Variants in PALM2AKAP2 observed in about 807,000 individuals in gnomAD.
The protein encoded by PALM2AKAP2 is PALM2 and AKAP2 fusion.
PALM2AKAP2 carries 37 observed loss-of-function variants against 71.5 expected under a neutral mutation model. The ratio of observed to expected loss-of-function variants is 0.52; its 90% CI spans 0.40 to 0.68. The LOEUF is 0.68. Ranked by LOEUF, PALM2AKAP2 falls within the 30% of genes least tolerant of loss-of-function variation. The probability of loss-of-function intolerance (pLI) is 0.00; values close to 1 mark genes in which losing one functional copy is unlikely to be tolerated. For synonymous variants in PALM2AKAP2, 468 were observed against 478.8 expected (o/e 0.98, Z 0.29); for missense variants, 1,224 against 1,191.8 (o/e 1.03, Z -0.40).
At chr9:109,858,243 TGA>T (rs1829220386) in intron 1 of PALM2AKAP2, among the ~76,000 whole-genome samples, 1 of 152,192 alleles carries the variant, frequency 6.6e-6, no homozygotes, top group Non-Finnish European at 1.5e-5. Context: ...ATGGGGATAA[TGA>T]TAGTACCTAA....
intron 2 of PALM2AKAP2, among the ~76,000 whole-genome samples, chr9:110,152,140 G>A (rs1301832606): frequency 6.6e-6 from 1 of 152,184 alleles, no homozygotes; most frequent in African/African-American, 2.4e-5. Context: ...AGGAGGCTGA[G>A]GCAGGAGAAT....
intron 1 of PALM2AKAP2, among the ~76,000 whole-genome samples, chr9:109,751,687 T>A (rs1000235191): frequency 6.6e-5 from 10 of 152,192 alleles, no homozygotes; most frequent in Non-Finnish European, 1.2e-4. Context: ...CAGTTCATGA[T>A]ACCCATCTCA....
intron 1 of PALM2AKAP2, chr9:109,863,005 T>C: frequency 2.1e-6 from 1 of 479,234 alleles, no homozygotes; most frequent in South Asian, 1.5e-5. Flanking sequence ...CTAGGGAACC[T>C]GCTCTTTGCA....
At chr9:109,890,604 T>G (rs995820488) in intron 3 of PALM2AKAP2, among the ~76,000 whole-genome samples, 3 of 152,198 alleles carry the variant, frequency 2.0e-5, no homozygotes, top group Non-Finnish European at 4.4e-5. Flanking sequence ...CAGTGGGAAA[T>G]TCAGACCAGG....
At chr9:109,869,086 G>A (rs866025141) in intron 2 of PALM2AKAP2, among the ~76,000 whole-genome samples, 4 of 152,214 alleles carry the variant, frequency 2.6e-5, no homozygotes, top group East Asian at 3.9e-4. Flanking sequence ...TAAGAGGACC[G>A]AATGAAAAAA....
At chr9:109,899,661 C>T (rs1424497897) in intron 3 of PALM2AKAP2, among the ~76,000 whole-genome samples, 1 of 152,202 alleles carries the variant, frequency 6.6e-6, no homozygotes, top group East Asian at 1.9e-4. Context: ...CCTTGTCTCT[C>T]ATAATTGTGT....
chr9:109,847,131 G>GTT (rs34859961), intron 1 of PALM2AKAP2, among the ~76,000 whole-genome samples: 1 of 151,204 alleles, frequency 6.6e-6, no homozygotes. Flanking sequence ...TGGAAGAGGG[G>GTT]TTTTTTTTTG....
chr9:109,679,320 T>G (rs77309799), intron 1 of PALM2AKAP2, among the ~76,000 whole-genome samples: 1,772 of 152,310 alleles, frequency 0.012, 19 homozygotes, highest in Middle Eastern at 0.068. Flanking sequence ...GCAGTCAATG[T>G]GTAGAGCAAG....
At chr9:110,111,086 CTT>C (rs34958946) in intron 1 of PALM2AKAP2, among the ~76,000 whole-genome samples, 188 of 84,164 alleles carry the variant, frequency 2.2e-3, no homozygotes, top group African/African-American at 8.1e-3. Context: ...TTTCTTTCTT[CTT>C]TTTTTTTTTT....
chr9:109,672,006 G>A (rs189612727), intron 1 of PALM2AKAP2, among the ~76,000 whole-genome samples: 1 of 152,246 alleles, frequency 6.6e-6, no homozygotes, highest in East Asian at 1.9e-4. Context: ...CTTTTTGGCT[G>A]AGACTATGTG....
At chr9:109,784,154 T>G (rs1014472522) in intron 1 of PALM2AKAP2, among the ~76,000 whole-genome samples, 17 of 152,228 alleles carry the variant, frequency 1.1e-4, no homozygotes, top group African/African-American at 3.9e-4. Context: ...AGAATGGTAA[T>G]CCCAGGGACT....
chr9:109,814,266 G>A (rs11793084), intron 1 of PALM2AKAP2, among the ~76,000 whole-genome samples: 24,727 of 152,102 alleles, frequency 0.16, 2,651 homozygotes, highest in East Asian at 0.35. Flanking sequence ...CTTTCTTATC[G>A]GTAGATACAT....
At chr9:109,979,660 T>C (rs1309055319) in intron 6 of PALM2AKAP2, among the ~76,000 whole-genome samples, 1 of 152,186 alleles carries the variant, frequency 6.6e-6, no homozygotes, top group Non-Finnish European at 1.5e-5. Context: ...ATTCAACAAA[T>C]GACTGATCCC....
intron 6 of PALM2AKAP2, among the ~76,000 whole-genome samples, chr9:109,964,356 G>A (rs900924269): frequency 2.0e-5 from 3 of 147,982 alleles, no homozygotes; most frequent in African/African-American, 7.4e-5. Flanking sequence ...AGGGCAGATT[G>A]TGCCAAATGG....
intron 1 of PALM2AKAP2, among the ~76,000 whole-genome samples, chr9:110,055,657 C>T (rs1197570130): frequency 6.6e-6 from 1 of 152,146 alleles, no homozygotes. Context: ...CATTCAGACC[C>T]TAGCAGGGAC....
intron 6 of PALM2AKAP2, among the ~76,000 whole-genome samples, chr9:109,936,460 A>G (rs1468616703): frequency 6.6e-6 from 1 of 152,224 alleles, no homozygotes; most frequent in African/African-American, 2.4e-5. Context: ...CCCAAAGATA[A>G]TATGTGAACA....
intron 1 of PALM2AKAP2, among the ~76,000 whole-genome samples, chr9:110,081,306 A>T (rs1834443074): frequency 6.6e-6 from 1 of 152,206 alleles, no homozygotes; most frequent in South Asian, 2.1e-4. Context: ...GGAGGAAAAA[A>T]TCCACAACTC....
intron 1 of PALM2AKAP2, among the ~76,000 whole-genome samples, chr9:110,059,164 T>C (rs1588083819): frequency 6.6e-6 from 1 of 152,302 alleles, no homozygotes; most frequent in East Asian, 1.9e-4. Flanking sequence ...CCTCCCAAAG[T>C]GCTGGGATTA....
At chr9:109,802,405 C>T (rs1827457012) in intron 1 of PALM2AKAP2, among the ~76,000 whole-genome samples, 1 of 152,198 alleles carries the variant, frequency 6.6e-6, no homozygotes, top group Non-Finnish European at 1.5e-5. Context: ...AATTATGTAG[C>T]CAGCAGTGGG....
Sources: gnomAD v4.1 joint callset for allele counts (sites outside exome capture counted in the v4.1 genomes callset) on GRCh38, gnomAD v4.1.1 for gene constraint, MANE v1.5 for transcripts, NCBI Gene and HGNC (gene_info 2026-07-23, HGNC 2026-07-21) for gene names.